Variants in ANXA1 observed in about 807,000 individuals in gnomAD.
The protein encoded by ANXA1 is annexin I (lipocortin I).
ANXA1 carries 39 observed loss-of-function variants against 47.9 expected under a neutral mutation model. That is an observed-to-expected ratio of 0.81 (90% CI 0.63 to 1.06). The LOEUF (loss-of-function observed/expected upper bound fraction) is 1.06, where lower values mean the gene tolerates loss of function less well. Among genes scored for constraint, ANXA1 ranks in the 50% least tolerant of loss-of-function variants. The probability of loss-of-function intolerance (pLI) is 0.00; values close to 1 mark genes in which losing one functional copy is unlikely to be tolerated. For missense variants in ANXA1, 446 were observed against 422.7 expected, an observed-to-expected ratio of 1.06 and a Z score of -0.48; for synonymous variants, 146 against 142.5, an observed-to-expected ratio of 1.02 and a Z score of -0.17.
At chr9:73,168,914 T>G in intron 11 of ANXA1, 118 bp from the exon 12 acceptor site, 1 of 829,640 alleles carries the variant, frequency 1.2e-6, no homozygotes. Context: ...TGTGTGTGTA[T>G]AGCTAGTTTC....
chr9:73,167,703 T>A, intron 11 of ANXA1, 148 bp downstream of exon 11: 1 of 691,596 alleles, frequency 1.4e-6, no homozygotes, highest in Non-Finnish European at 2.3e-6. Flanking sequence ...GGTAATACAC[T>A]ACCTTCTCAG....
At chr9:73,159,182 T>C (rs1329904425) in intron 3 of ANXA1, 147 bp from the exon 4 acceptor site, 1 of 652,394 alleles carries the variant, frequency 1.5e-6, no homozygotes, top group Non-Finnish European at 2.6e-6. Context: ...TGATATGTAG[T>C]ATAGCATCGA....
intron 4 of ANXA1, 143 bp downstream of exon 4, chr9:73,159,566 C>A: frequency 1.8e-6 from 1 of 555,898 alleles, no homozygotes; most frequent in Non-Finnish European, 3.0e-6. Flanking sequence ...AGTGTTTATC[C>A]ACTTTGTTGC....
At position 73,160,708 on chromosome 9, in the gene ANXA1, C is replaced by T. The variant is rs182719721; in HGVS notation, c.385-95C>T. On this transcript the variant is annotated intron_variant, in intron 5 of 12. Coordinates refer to ENST00000257497, the MANE Select transcript of ANXA1 (RefSeq NM_000700.3). ...GTTGTGGGTGAAATTTACTAAATGA[C>T]AGAGTCAAACAAATTTTGGAACACC... The T allele has an allele frequency of 4.1e-5, 34 of 829,634 alleles. No homozygotes were observed. The Admixed American group carries it at 6.7e-4, about 16-fold the overall frequency. The allele number at this position is 829,634 out of a possible 1,614,324, so 51.4% of individuals were successfully genotyped here.
At chr9:73,153,115 A>G (rs1449349655) in intron 1 of ANXA1, among the ~76,000 whole-genome samples, 1 of 152,186 alleles carries the variant, frequency 6.6e-6, no homozygotes, top group Non-Finnish European at 1.5e-5. Flanking sequence ...TGACAGTAAC[A>G]CCCTAGCTCC....
intron 1 of ANXA1, chr9:73,158,221 C>T: frequency 3.3e-6 from 1 of 301,344 alleles, no homozygotes; most frequent in Non-Finnish European, 6.4e-6. Context: ...GAACCACAAA[C>T]TCCTCTCTTC....
At chr9:73,157,130 T>C (rs930058080) in intron 1 of ANXA1, among the ~76,000 whole-genome samples, 6 of 152,286 alleles carry the variant, frequency 3.9e-5, no homozygotes, top group East Asian at 1.9e-4. Context: ...ATAATTCTTT[T>C]CTGGGTTTTT....
At chr9:73,157,162 T>C (rs893938985) in intron 1 of ANXA1, among the ~76,000 whole-genome samples, 6 of 152,122 alleles carry the variant, frequency 3.9e-5, no homozygotes, top group Admixed American at 2.0e-4. Context: ...GGAAAATATG[T>C]AGGACTACTA....
intron 3 of ANXA1, among the ~76,000 whole-genome samples, 158 bp from the exon 4 acceptor site, chr9:73,159,171 T>C (rs1446756838): frequency 3.9e-5 from 6 of 152,234 alleles, no homozygotes; most frequent in African/African-American, 1.4e-4. Context: ...AAGTGCTTCC[T>C]TGATATGTAG....
At chr9:73,157,403 C>T (rs1824064716) in intron 1 of ANXA1, among the ~76,000 whole-genome samples, 1 of 151,906 alleles carries the variant, frequency 6.6e-6, no homozygotes, top group Non-Finnish European at 1.5e-5. Context: ...CCTGTAATTC[C>T]AGCACTTTGG....
In ANXA1 at chr9:73,158,741, C is replaced by G. The variant is rs763037344; in HGVS notation, c.113C>G (p.Pro38Arg). Reference sequence around the variant, plus strand: ...GGTGGTCCCGGATCAGCGGTGAGCCCCTATCCTACCTTCAATCCATCCTCG... The same window carrying G: ...GGTGGTCCCGGATCAGCGGTGAGCCGCTATCCTACCTTCAATCCATCCTCG... ...SKGGPGSAVSPYPTFNPSSDV... is the reference protein window; with the variant it reads ...SKGGPGSAVSRYPTFNPSSDV... The change falls in exon 3 of 13, where the codon CCC becomes CGC. Residue 38 changes from proline to arginine, a missense_variant. Pro to Arg is a moderately radical substitution (Grantham distance 103). Coordinates refer to ENST00000257497, the MANE Select transcript of ANXA1 (RefSeq NM_000700.3). 2 of 1,613,834 alleles carry G rather than the reference C, an allele frequency of 1.2e-6. No individual in the cohort carries two copies. Among genetic ancestry groups the G allele is most frequent in the Admixed American group, 1.7e-5 (1 of 59,970 alleles).
At chr9:73,167,584 C>T in intron 11 of ANXA1, 29 bp downstream of exon 11, 4 of 1,583,452 alleles carry the variant, frequency 2.5e-6, no homozygotes, top group Non-Finnish European at 3.4e-6. Context: ...ATATGTCCTG[C>T]TTAGAGGAAG....
chr9:73,167,506 C>A lies in ANXA1; in HGVS notation c.812C>A (p.Ala271Asp). ...EKCLTAIVKC[A>D]TSKPAFFAEK... ...TTTTCTTCTCTAACAGTGAAGTGCG[C>A]CACAAGCAAACCAGCTTTCTTTGCA... is the stretch of plus-strand genomic sequence containing the variant. The change falls in exon 11 of 13, where the codon GCC becomes GAC. Residue 271 changes from alanine (A) to aspartate (D), a missense_variant. Coordinates refer to ENST00000257497, the MANE Select transcript of ANXA1 (RefSeq NM_000700.3). 6.2e-7 allele frequency: 1 copy of A among 1,613,328 alleles called. No individual in the cohort carries two copies. The highest frequency in any genetic ancestry group is 8.5e-7 in the Non-Finnish European group (1 of 1,179,496).
At chr9:73,160,659 T>C in intron 5 of ANXA1, 144 bp from the exon 6 acceptor site, 1 of 658,838 alleles carries the variant, frequency 1.5e-6, no homozygotes, top group Middle Eastern at 4.2e-4. Context: ...GGCAATGTAA[T>C]AGAGCTTATT....
intron 1 of ANXA1, chr9:73,154,326 G>T: frequency 2.9e-6 from 4 of 1,366,194 alleles, no homozygotes; most frequent in Non-Finnish European, 3.9e-6. Flanking sequence ...GACTGTTAAT[G>T]AATTTGATTC....
chr9:73,154,059 TG>T, intron 1 of ANXA1: 2 of 314,838 alleles, frequency 6.4e-6, no homozygotes, highest in Non-Finnish European at 1.3e-5. Flanking sequence ...GAAGTGAATG[TG>T]GAGGAGGAAC....
At chr9:73,165,013 G>T in intron 8 of ANXA1, 103 bp from the exon 9 acceptor site, 2 of 826,354 alleles carry the variant, frequency 2.4e-6, no homozygotes, top group Admixed American at 2.5e-5. Flanking sequence ...GATTGTATTG[G>T]GCACAAAGCG....
At position 73,170,355 on chromosome 9, in the gene ANXA1, T is replaced by C. The variant is rs2118187427; in HGVS notation, c.*248T>C. 1.3e-5 allele frequency: 4 copies of C among 318,204 alleles called. No homozygotes were observed. The East Asian group carries it at 2.0e-4, about 16-fold the overall frequency. 19.7% of individuals were successfully genotyped at this position (318,204 alleles called of 1,614,324 possible). A position where few individuals can be genotyped will look rare whatever the true frequency, so the allele number is the denominator to read the frequency against. ...TTCTAGTAACAATACATGAGAAAGA[T>C]GTCTATGTAGCTGAAAATAAAATGA... On this transcript the variant is annotated 3_prime_UTR_variant, in exon 13 of 13. Coordinates refer to ENST00000257497, the MANE Select transcript of ANXA1 (RefSeq NM_000700.3).
rs766591114 is a variant in ANXA1 at position 73,169,093 on chromosome 9, T to C, written c.923T>C (p.Met308Thr). Residue 308 changes from methionine (M) to threonine (T), a missense_variant, in exon 12 of 13, where the codon ATG becomes ACG. Coordinates refer to ENST00000257497, the MANE Select transcript of ANXA1 (RefSeq NM_000700.3). ...ATGGTTTCCCGTTCTGAAATTGACA[T>C]GAATGATATCAAAGCATTCTATCAG... ...RIMVSRSEIDMNDIKAFYQKM... is the reference protein window; with the variant it reads ...RIMVSRSEIDTNDIKAFYQKM... 2 of 1,613,458 alleles carry C rather than the reference T, an allele frequency of 1.2e-6. No homozygotes were observed. Among genetic ancestry groups the C allele is most frequent in the Admixed American group, 1.7e-5 (1 of 59,952 alleles).
Sources: gnomAD v4.1 joint callset for allele counts (sites outside exome capture counted in the v4.1 genomes callset) on GRCh38, gnomAD v4.1.1 for gene constraint, MANE v1.5 for transcripts, NCBI Gene and HGNC (gene_info 2026-07-23, HGNC 2026-07-21) for gene names.